The following DCBLD1 variants were observed in gnomAD, a reference collection of about 807,000 sequenced individuals.
DCBLD1 encodes discoidin, CUB and LCCL domain containing 1.
A neutral mutation model predicts 71.5 loss-of-function variants in DCBLD1; 57 were observed. The ratio of observed to expected loss-of-function variants is 0.80; its 90% CI spans 0.64 to 0.99. The LOEUF is 0.99. Among genes scored for constraint, DCBLD1 ranks in the 50% least tolerant of loss-of-function variants. The probability of loss-of-function intolerance (pLI) is 0.00; values close to 1 mark genes in which losing one functional copy is unlikely to be tolerated. For synonymous variants in DCBLD1, 380 were observed against 363.8 expected (o/e 1.04, Z -0.51); for missense variants, 891 against 923.5 (o/e 0.96, Z 0.46).
At chr6:117,505,846 C>T (rs926900944) in intron 2 of DCBLD1, among the ~76,000 whole-genome samples, 2 of 152,132 alleles carry the variant, frequency 1.3e-5, no homozygotes, top group African/African-American at 2.4e-5. Flanking sequence ...GAATTAGCTA[C>T]GTATCTCAAG....
At chr6:117,553,942 T>G (rs1779463503), downstream of DCBLD1, among the ~76,000 whole-genome samples, 1 of 152,236 alleles carries the variant, frequency 6.6e-6, no homozygotes, top group Admixed American at 6.5e-5. Flanking sequence ...CTCCATTTCC[T>G]TATTTCTAAA....
At chr6:117,512,270 A>G (rs372125948) in intron 2 of DCBLD1, among the ~76,000 whole-genome samples, 1 of 152,352 alleles carries the variant, frequency 6.6e-6, no homozygotes, top group African/African-American at 2.4e-5. Flanking sequence ...CCTTTGTCTA[A>G]GAATCCGCCT....
chr6:117,538,773 G>A lies in DCBLD1; in HGVS notation c.914G>A (p.Ser305Asn), dbSNP rs1428083702. The A allele has an allele frequency of 6.2e-7, 1 of 1,614,106 alleles. No homozygotes were observed. The highest frequency in any genetic ancestry group is 8.5e-7 in the Non-Finnish European group (1 of 1,180,008). ...QGPSWASGDS[S>N]NNHKPREWLE... is the part of the protein sequence containing the mutation. ...CCATCATGGGCTTCGGGCGACAGTAGCAACAACCACAAACCACGAGAGTGG... is the reference window on the plus strand; with the variant it reads ...CCATCATGGGCTTCGGGCGACAGTAACAACAACCACAAACCACGAGAGTGG... Residue 305 changes from serine to asparagine, a missense_variant, in exon 8 of 15, where the codon AGC becomes AAC. Physicochemically the swap from Ser to Asn is conservative, Grantham distance 46. Transcript: ENST00000338728.
At position 117,548,294 on chromosome 6, in the gene DCBLD1, C is replaced by T; in HGVS notation, c.2003C>T (p.Pro668Leu). 6.4e-7 allele frequency: 1 copy of T among 1,550,650 alleles called. No individual in the cohort carries two copies. The highest frequency in any genetic ancestry group is 8.7e-7 in the Non-Finnish European group (1 of 1,147,000). The change falls in exon 15 of 15, where the codon CCC becomes CTC. Residue 668 changes from proline to leucine, a missense_variant. Coordinates refer to ENST00000338728, the MANE Select transcript of DCBLD1 (RefSeq NM_001366458.2). ...CCTGCGGACAGGGGCTACGACCGGCCCAAAGCTGTCAGCGCCCTCGCCACC... is the reference window on the plus strand; with the variant it reads ...CCTGCGGACAGGGGCTACGACCGGCTCAAAGCTGTCAGCGCCCTCGCCACC... ...AQPADRGYDR[P>L]KAVSALATES...
downstream of DCBLD1, among the ~76,000 whole-genome samples, chr6:117,551,530 C>T (rs757255163): frequency 1.3e-5 from 2 of 152,134 alleles, no homozygotes; most frequent in African/African-American, 2.4e-5. Flanking sequence ...CAGGCGCCCA[C>T]CACGAGGCCC....
rs1479393031 is a variant in DCBLD1, at chr6:117,548,461, C to T, written c.*22C>T. 6.5e-7 allele frequency: 1 copy of T among 1,549,920 alleles called. No individual in the cohort carries two copies. Among genetic ancestry groups the T allele is most frequent in the Non-Finnish European group, 8.7e-7 (1 of 1,146,948 alleles). On this transcript the variant is annotated 3_prime_UTR_variant, in exon 15 of 15. Transcript: ENST00000338728. ...GTGAACACAATGTGAAAGAAGCCTG[C>T]TGTGGTACTGAGCGTCGGGCTGTCA...
intron 14 of DCBLD1, among the ~76,000 whole-genome samples, chr6:117,569,301 AC>A (rs1198486737): frequency 6.6e-6 from 1 of 152,210 alleles, no homozygotes; most frequent in Non-Finnish European, 1.5e-5. Flanking sequence ...CTTAATCCTC[AC>A]AGCTTTCTTT....
intron 12 of DCBLD1, 40 bp from the exon 13 acceptor site, chr6:117,544,488 T>C (rs758285660): frequency 1.2e-6 from 2 of 1,607,786 alleles, no homozygotes; most frequent in Non-Finnish European, 1.7e-6. Flanking sequence ...GGCAGATACA[T>C]TGGCTTATAA....
intron 1 of DCBLD1, among the ~76,000 whole-genome samples, chr6:117,501,640 C>T (rs1777664002): frequency 6.6e-6 from 1 of 152,206 alleles, no homozygotes; most frequent in Non-Finnish European, 1.5e-5. Context: ...GTTTGTCCTT[C>T]AGTTTTAAAG....
At chr6:117,533,105 G>C (rs1039504455) in intron 6 of DCBLD1, among the ~76,000 whole-genome samples, 1 of 152,090 alleles carries the variant, frequency 6.6e-6, no homozygotes, top group East Asian at 1.9e-4. Context: ...GACACTCCTG[G>C]AGTGGAAACC....
At chr6:117,562,611 A>G (rs1779607439) in intron 14 of DCBLD1, 1 of 202,562 alleles carries the variant, frequency 4.9e-6, no homozygotes, top group Admixed American at 6.0e-5. Flanking sequence ...ATCTATTTCT[A>G]GTGCAGCATT....
At chr6:117,532,679 T>C (rs1778763565) in intron 6 of DCBLD1, among the ~76,000 whole-genome samples, 1 of 152,174 alleles carries the variant, frequency 6.6e-6, no homozygotes, top group African/African-American at 2.4e-5. Flanking sequence ...TGGGAGAAAA[T>C]AAAGGCTTAA....
At chr6:117,504,742 C>T (rs1777782217) in intron 2 of DCBLD1, among the ~76,000 whole-genome samples, 1 of 152,152 alleles carries the variant, frequency 6.6e-6, no homozygotes. Context: ...GTAACAATGA[C>T]CCTTTGATCC....
At chr6:117,520,016 T>TC in intron 3 of DCBLD1, 66 bp downstream of exon 3, 7 of 1,593,166 alleles carry the variant, frequency 4.4e-6, no homozygotes, top group Non-Finnish European at 5.2e-6. Context: ...TTGCCACTTA[T>TC]CCCCATCCCT....
chr6:117,493,297 G>A (rs985129661), intron 1 of DCBLD1, among the ~76,000 whole-genome samples: 1 of 152,122 alleles, frequency 6.6e-6, no homozygotes, highest in African/African-American at 2.4e-5. Context: ...ATCCCCAGGT[G>A]ATTAGTTTGC....
At chr6:117,566,105 T>C (rs1779691360) in intron 14 of DCBLD1, among the ~76,000 whole-genome samples, 1 of 152,218 alleles carries the variant, frequency 6.6e-6, no homozygotes, top group Non-Finnish European at 1.5e-5. Context: ...CAATGATTAC[T>C]AGTACAGTTA....
chr6:117,535,148 C>A (rs1778843428), intron 6 of DCBLD1, among the ~76,000 whole-genome samples: 1 of 152,126 alleles, frequency 6.6e-6, no homozygotes, highest in Non-Finnish European at 1.5e-5. Context: ...CAGGAAAAAC[C>A]AGAGAAGGAA....
At chr6:117,521,714 G>A (rs766121099) in intron 4 of DCBLD1, 138 bp downstream of exon 4, 20 of 750,832 alleles carry the variant, frequency 2.7e-5, no homozygotes, top group Non-Finnish European at 4.0e-5. Context: ...ATTTGAAATA[G>A]TTTGTTATAT....
intron 1 of DCBLD1, among the ~76,000 whole-genome samples, chr6:117,498,563 C>T (rs541080814): frequency 1.1e-4 from 17 of 152,174 alleles, no homozygotes; most frequent in African/African-American, 4.1e-4. Flanking sequence ...CCGGCCTATC[C>T]TCCCCACAAC....
Sources: allele counts gnomAD v4.1 joint callset (sites outside exome capture counted in the v4.1 genomes callset), GRCh38; gene constraint gnomAD v4.1.1; transcripts MANE v1.5; gene names NCBI Gene and HGNC (gene_info 2026-07-23, HGNC 2026-07-21).